The following ATXN7L2 variants were observed in gnomAD, a reference collection of about 807,000 sequenced individuals.
ATXN7L2 encodes ataxin 7 like 2, also known as ataxin-7-like protein 2.
ATXN7L2 carries 17 observed loss-of-function variants against 59.6 expected under a neutral mutation model. The observed-to-expected ratio is 0.29, with a 90% CI of 0.20 to 0.43. The LOEUF is 0.43. Ranked by LOEUF, ATXN7L2 falls within the 20% of genes least tolerant of loss-of-function variation. ATXN7L2 has a pLI of 1.00. For missense variants in ATXN7L2, 858 were observed against 1,008.9 expected (o/e 0.85, Z 2.03); for synonymous variants, 378 against 392.5 (o/e 0.96, Z 0.44).
At position 109,489,049 on chromosome 1, in the gene ATXN7L2, G is replaced by T. The variant is rs1426602876; in HGVS notation, c.1082G>T (p.Ser361Ile). 6.2e-7 allele frequency: 1 copy of T among 1,614,168 alleles called. No homozygotes were observed. The highest frequency in any genetic ancestry group is 1.7e-5 in the Admixed American group (1 of 60,028). The change falls in exon 7 of 11, where the codon AGC (serine) becomes ATC (isoleucine). Residue 361 changes from serine to isoleucine, a missense_variant. Transcript: ENST00000683729. ...QVVAAVAAPS[S>I]TFSVRAKQTY... ...GTAGCAGCGGTGGCTGCTCCCAGCA[G>T]CACCTTCTCTGTTCGTGCCAAGCAG...
chr1:109,488,789 C>T lies in ATXN7L2; in HGVS notation c.880-58C>T, dbSNP rs1571085265. ...TGCCCGGGCCAAAGCACCCTGCCGT[C>T]CCTCACCCCTTCTCAGTTCATACCT... is the stretch of plus-strand genomic sequence containing the variant. On this transcript the variant is annotated intron_variant, in intron 6 of 10. Coordinates refer to ENST00000683729, the MANE Select transcript of ATXN7L2 (RefSeq NM_001350175.2). This position sits in a 1 kb window ranked among gnomAD's most constrained non-coding sequence, Gnocchi z 5.0. The T allele has an allele frequency of 6.4e-7, 1 of 1,566,294 alleles. No homozygotes were observed. The highest frequency in any genetic ancestry group is 8.7e-7 in the Non-Finnish European group (1 of 1,150,764).
At chr1:109,492,306 T>G (rs1312299893) in intron 10 of ATXN7L2, among the ~76,000 whole-genome samples, 3 of 152,136 alleles carry the variant, frequency 2.0e-5, no homozygotes, top group African/African-American at 7.2e-5. Flanking sequence ...TGCTATGTGC[T>G]CTCCATATGA....
chr1:109,490,974 T>C lies in ATXN7L2; in HGVS notation c.1507T>C (p.Ser503Pro). 6.3e-7 allele frequency: 1 copy of C among 1,597,048 alleles called. No homozygotes were observed. Among genetic ancestry groups the C allele is most frequent in the Non-Finnish European group, 8.5e-7 (1 of 1,170,226 alleles). Reference protein sequence around the residue: ...PPAHLVNSPLSAPLSPSSTGT... With the variant: ...PPAHLVNSPLPAPLSPSSTGT... ...AGCTCACCTTGTCAACTCCCCGTTA[T>C]CTGCTCCCCTGAGCCCATCCTCTAC... The change falls in exon 10 of 11, where the codon TCT (serine) becomes CCT (proline). Residue 503 changes from serine to proline, a missense_variant. Around this residue, in one of 3 missense-constraint regions of ATXN7L2, gnomAD observed 734 missense variants for 862.3 expected, o/e 0.85. Coordinates refer to ENST00000683729, the MANE Select transcript of ATXN7L2 (RefSeq NM_001350175.2).
chr1:109,488,796 C>T lies in ATXN7L2; in HGVS notation c.880-51C>T, dbSNP rs2101031066. 1 of 1,577,970 alleles carries T rather than the reference C, an allele frequency of 6.3e-7. No individual in the cohort carries two copies. Among genetic ancestry groups the T allele is most frequent in the African/African-American group, 1.3e-5 (1 of 74,092 alleles). On this transcript the variant is annotated intron_variant, in intron 6 of 10. Transcript: ENST00000683729. This position sits in a 1 kb window ranked among gnomAD's most constrained non-coding sequence, Gnocchi z 5.0. The stretch of plus-strand genomic sequence containing the variant: ...GCCAAAGCACCCTGCCGTCCCTCAC[C>T]CCTTCTCAGTTCATACCTACTCCCC...
chr1:109,490,670 G>A (rs1443913484), intron 9 of ATXN7L2, among the ~76,000 whole-genome samples: 1 of 152,162 alleles, frequency 6.6e-6, no homozygotes, highest in Admixed American at 6.5e-5. Context: ...GATAGGGGAT[G>A]CCCAAACCAA....
chr1:109,484,055 GC>G lies in ATXN7L2; in HGVS notation c.103del (p.Arg35GlyfsTer25). 6.6e-7 allele frequency: 1 copy of G among 1,517,496 alleles called. No individual in the cohort carries two copies. Among genetic ancestry groups the G allele is most frequent in the Admixed American group, 2.0e-5 (1 of 49,626 alleles). The allele number at this position is 1,517,496 out of a possible 1,614,324, so 94.0% of individuals were successfully genotyped here. A position where few individuals can be genotyped will look rare whatever the true frequency, so the allele number is the denominator to read the frequency against. On this transcript the variant is annotated frameshift_variant, in exon 1 of 11. Transcript: ENST00000683729. LOFTEE classifies it high-confidence loss of function. The part of the protein sequence containing the change: ...AGQSWSSWVE[R>X]ADLPAADGAE... ...GACAGAGCTGGAGCTCGTGGGTGGA[GC>G]GGGCCGACCTGCCCGCGGCTGACGG... is the stretch of plus-strand genomic sequence containing the variant.
Position 109,491,891 on chromosome 1 carries a change from A to G in ATXN7L2, c.2250+174A>G. On this transcript the variant is annotated intron_variant, in intron 10 of 10. Transcript: ENST00000683729. The surrounding 1 kb of genome is among the most constrained non-coding windows in gnomAD (Gnocchi z 4.1). The stretch of plus-strand genomic sequence containing the variant: ...GGTCAGTTCTTAGCAAAGTGACTCC[A>G]GCTTTTTGCCTGGTGAACCTTCCCC... 8.4e-7 allele frequency: 1 copy of G among 1,192,526 alleles called. No homozygotes were observed. Among genetic ancestry groups the G allele is most frequent in the Non-Finnish European group, 1.1e-6 (1 of 886,080 alleles). The allele number at this position is 1,192,526 out of a possible 1,614,324, so 73.9% of individuals were successfully genotyped here.
intron 5 of ATXN7L2, 105 bp downstream of exon 5, chr1:109,487,909 C>A: frequency 7.4e-7 from 1 of 1,347,372 alleles, no homozygotes; most frequent in Non-Finnish European, 9.9e-7. Flanking sequence ...TGGGCCTGGC[C>A]ATCACAGGTT....
chr1:109,486,910 T>C lies in ATXN7L2; in HGVS notation c.299-97T>C. The C allele has an allele frequency of 8.7e-7, 1 of 1,146,900 alleles. No individual in the cohort carries two copies. The highest frequency in any genetic ancestry group is 3.0e-5 in the Admixed American group (1 of 33,092). 71.0% of individuals were successfully genotyped at this position (1,146,900 alleles called of 1,614,324 possible). On this transcript the variant is annotated intron_variant, in intron 3 of 10. Transcript: ENST00000683729. The surrounding 1 kb of genome is among the most constrained non-coding windows in gnomAD (Gnocchi z 4.3). Reference sequence around the variant, plus strand: ...TGTTTACAATCTAATTTATGGAAACTCAGATTCTCTCATGTGAGTCTATGG... The same window carrying C: ...TGTTTACAATCTAATTTATGGAAACCCAGATTCTCTCATGTGAGTCTATGG...
At chr1:109,490,454 T>C (rs541080886) in intron 9 of ATXN7L2, 62 bp downstream of exon 9, 63 of 1,581,846 alleles carry the variant, frequency 4.0e-5, no homozygotes, top group Middle Eastern at 3.4e-4. Context: ...CCAGACATAC[T>C]TGGGCTTCAG....
chr1:109,489,819 G>A (rs1656890845), intron 7 of ATXN7L2, 111 bp from the exon 8 acceptor site: 11 of 1,115,340 alleles, frequency 9.9e-6, no homozygotes, highest in Non-Finnish European at 1.5e-5. Context: ...TGATTGCCCT[G>A]CAGGGTGTCT....
chr1:109,491,625 C>A lies in ATXN7L2; in HGVS notation c.2158C>A (p.Gln720Lys). ...YCRPVKAKHC[Q>K]AGAPADVACS... ...CCGGCCAGTGAAGGCCAAGCACTGT[C>A]AGGCTGGTGCCCCTGCTGATGTGGC... Residue 720 changes from glutamine (Q) to lysine (K), a missense_variant, in exon 10 of 11, where the codon CAG (glutamine) becomes AAG (lysine). This residue lies in a region of ATXN7L2 where 734 missense variants were observed against 862.3 expected (regional missense o/e 0.85). Coordinates refer to ENST00000683729, the MANE Select transcript of ATXN7L2 (RefSeq NM_001350175.2). This position sits in a 1 kb window ranked among gnomAD's most constrained non-coding sequence, Gnocchi z 4.1. 1 of 1,613,444 alleles carries A rather than the reference C, an allele frequency of 6.2e-7. No individual in the cohort carries two copies.
intron 1 of ATXN7L2, 144 bp downstream of exon 1, chr1:109,484,224 G>C (rs1171455723): frequency 4.6e-6 from 4 of 876,718 alleles, no homozygotes; most frequent in South Asian, 6.9e-5. Context: ...CCGGGTCCTA[G>C]TGCCCGCCCG....
Position 109,490,973 on chromosome 1 carries a change from A to G in ATXN7L2, c.1506A>G (p.Leu502=). ...CAGCTCACCTTGTCAACTCCCCGTT[A>G]TCTGCTCCCCTGAGCCCATCCTCTA... ...EPPAHLVNSP[L]SAPLSPSSTG... is the part of the protein sequence containing the mutation. The change falls in exon 10 of 11, where the codon TTA becomes TTG. Residue 502 remains leucine, a synonymous_variant. Transcript: ENST00000683729. 6.3e-7 allele frequency: 1 copy of G among 1,596,696 alleles called. No homozygotes were observed. The highest frequency in any genetic ancestry group is 8.5e-7 in the Non-Finnish European group (1 of 1,170,080).
At position 109,488,469 on chromosome 1, in the gene ATXN7L2, AC is replaced by A. The variant is rs758226004; in HGVS notation, c.879+9del. 5.6e-6 allele frequency: 9 copies of A among 1,607,160 alleles called. No individual in the cohort carries two copies. The highest frequency in any genetic ancestry group is 7.7e-6 in the Non-Finnish European group (9 of 1,175,656). On this transcript the variant is annotated splice_donor_5th_base_variant and intron_variant, in intron 6 of 10. Coordinates refer to ENST00000683729, the MANE Select transcript of ATXN7L2 (RefSeq NM_001350175.2). The surrounding 1 kb of genome is among the most constrained non-coding windows in gnomAD (Gnocchi z 5.0). ...TACCCGCCTGTTGACCTGCAAGGTA[AC>A]CCCCTTCCCACTGCACGGTGAGGGA...
rs1184442302 is a variant in ATXN7L2 at position 109,488,838 on chromosome 1, G to A, written c.880-9G>A. ...CTACTCCCCAGCTCTCCACTCTGCTGTATTCTAGATCCACTCAGTACACCA... is the reference window on the plus strand; with the variant it reads ...CTACTCCCCAGCTCTCCACTCTGCTATATTCTAGATCCACTCAGTACACCA... On this transcript the variant is annotated splice_polypyrimidine_tract_variant and intron_variant, in intron 6 of 10. Coordinates refer to ENST00000683729, the MANE Select transcript of ATXN7L2 (RefSeq NM_001350175.2). The surrounding 1 kb of genome is among the most constrained non-coding windows in gnomAD (Gnocchi z 5.0). 6.2e-7 allele frequency: 1 copy of A among 1,611,804 alleles called. No homozygotes were observed. The highest frequency in any genetic ancestry group is 8.5e-7 in the Non-Finnish European group (1 of 1,178,534).
At position 109,486,103 on chromosome 1, in the gene ATXN7L2, C is replaced by T. The variant is rs1214902855; in HGVS notation, c.174C>T (p.Ala58=). ...ESSKNTKKLD[A]MTLIKEDMSI... is the part of the protein sequence containing the mutation. ...GCAAAAACACGAAGAAGTTGGATGC[C>T]ATGACCCTCATTAAAGAAGGTGGGA... The change falls in exon 2 of 11, where the codon GCC becomes GCT. Residue 58 remains alanine (A), a synonymous_variant. Coordinates refer to ENST00000683729, the MANE Select transcript of ATXN7L2 (RefSeq NM_001350175.2). This position sits in a 1 kb window ranked among gnomAD's most constrained non-coding sequence, Gnocchi z 4.3. 3.8e-6 allele frequency: 6 copies of T among 1,598,858 alleles called. No homozygotes were observed. The highest frequency in any genetic ancestry group is 1.8e-5 in the Admixed American group (1 of 56,506).
chr1:109,485,739 A>C (rs1656540464), intron 1 of ATXN7L2: 4 of 1,053,644 alleles, frequency 3.8e-6, no homozygotes. Flanking sequence ...GGAACCCTAA[A>C]CTGCACCTTG....
In ATXN7L2 at chr1:109,487,558, C is replaced by G; in HGVS notation, c.550C>G (p.Leu184Val). 6.6e-7 allele frequency: 1 copy of G among 1,510,644 alleles called. No homozygotes were observed. 93.6% of individuals were successfully genotyped at this position (1,510,644 alleles called of 1,614,324 possible). A position where few individuals can be genotyped will look rare whatever the true frequency, so the allele number is the denominator to read the frequency against. ...PVVNLEKMSS[L>V]PKPDGHGIRV... The stretch of plus-strand genomic sequence containing the variant: ...GGTGAATCTGGAGAAGATGTCCAGT[C>G]TCCCGAAGCCTGATGGACATGGAAT... The change falls in exon 5 of 11, where the codon CTC becomes GTC. Residue 184 changes from leucine (L) to valine (V), a missense_variant. By Grantham distance (32) the Leu-to-Val change is conservative (BLOSUM62 1). Transcript: ENST00000683729.
Sources: allele counts gnomAD v4.1 joint callset (sites outside exome capture counted in the v4.1 genomes callset), GRCh38; gene constraint gnomAD v4.1.1; regional missense constraint gnomAD v4.1.1; non-coding constraint Gnocchi (gnomAD v3.1); transcripts MANE v1.5; gene names NCBI Gene and HGNC (gene_info 2026-07-23, HGNC 2026-07-21).